NAV1: variants seen among roughly 807,000 people sequenced by gnomAD.
NAV1 encodes the protein pore membrane and/or filament interacting like protein 3.
In NAV1, 18 loss-of-function variants were observed where a neutral mutation model predicts 175.2. That is an observed-to-expected ratio of 0.10 (90% CI 0.07 to 0.15). NAV1 has a LOEUF of 0.15. NAV1 is among the 10% of genes least tolerant of loss of function. NAV1 has a pLI of 1.00. For missense variants in NAV1, 1,731 were observed against 2,436.6 expected (o/e 0.71, Z 6.10); for synonymous variants, 897 against 978.7 (o/e 0.92, Z 1.56).
At chr1:201,620,350 T>C (rs910694003), upstream of NAV1, among the ~76,000 whole-genome samples, 1 of 152,204 alleles carries the variant, frequency 6.6e-6, no homozygotes, top group Non-Finnish European at 1.5e-5. Context: ...AAACTGAGTA[T>C]TTTCATTGTA....
chr1:201,573,381 AGAAAG>A lies in NAV1; in HGVS notation c.-143-15154_-143-15150del, dbSNP rs897942598. On this transcript the variant is annotated intron_variant, in intron 1 of 33. Transcript: ENST00000685211. ...ATTCACACTTTTTCAAGGGGAAAGA[AGAAAG>A]GAAGGAAGGAAGGGAGGGGAATAAA... is the stretch of plus-strand genomic sequence containing the variant. Among the ~76,000 whole-genome samples, 5 of 152,342 alleles carry A rather than the reference AGAAAG, an allele frequency of 3.3e-5. No individual in the cohort carries two copies. The South Asian group carries it at 1.0e-3, about 32-fold the overall frequency.
At chr1:201,763,295 A>G (rs1175956340) in intron 3 of NAV1, among the ~76,000 whole-genome samples, 1 of 152,246 alleles carries the variant, frequency 6.6e-6, no homozygotes, top group Non-Finnish European at 1.5e-5. Context: ...TAGTAGAGAT[A>G]GAAGTACATA....
At chr1:201,551,367 T>A (rs1327779144) in intron 1 of NAV1, among the ~76,000 whole-genome samples, 1 of 152,182 alleles carries the variant, frequency 6.6e-6, no homozygotes, top group Non-Finnish European at 1.5e-5. Context: ...TACCTGGGAT[T>A]ACAGGAGCAC....
chr1:201,775,237 G>A (rs1380073055), intron 3 of NAV1, among the ~76,000 whole-genome samples: 1 of 152,174 alleles, frequency 6.6e-6, no homozygotes, highest in African/African-American at 2.4e-5. Flanking sequence ...CCTGACACAA[G>A]TGAGGGCATA....
At chr1:201,731,642 C>A (rs916302201) in intron 3 of NAV1, among the ~76,000 whole-genome samples, 1 of 152,196 alleles carries the variant, frequency 6.6e-6, no homozygotes, top group African/African-American at 2.4e-5. Flanking sequence ...CCCCTCTACC[C>A]AGCCTCAATC....
chr1:201,642,548 TCTTTCTTTTTTCC>T lies in NAV1; in HGVS notation c.5-6078_5-6066del, dbSNP rs1473446494. Among the ~76,000 whole-genome samples the T allele has an allele frequency of 3.8e-4, 43 of 111,808 alleles. 1 individual carries two copies. The highest frequency in any genetic ancestry group is 5.1e-4 in the Non-Finnish European group (27 of 52,644). The allele number at this position is 111,808 out of a possible 152,430, so 73.4% of individuals were successfully genotyped here. A position where few individuals can be genotyped will look rare whatever the true frequency, so the allele number is the denominator to read the frequency against. On this transcript the variant is annotated intron_variant, in intron 2 of 29. Transcript: ENST00000367302. Reference sequence around the variant, plus strand: ...TTTTTTCTTTCTTTCTTTCTTTCTTTCTTTCTTTTTTCCCTTTCTTCCCTTCCTTCTCTTTCTT... The same window carrying T: ...TTTTTTCTTTCTTTCTTTCTTTCTTTCTTTCTTCCCTTCCTTCTCTTTCTT...
intron 1 of NAV1, among the ~76,000 whole-genome samples, chr1:201,686,675 A>G (rs1056220263): frequency 3.9e-5 from 6 of 152,126 alleles, no homozygotes; most frequent in Admixed American, 2.0e-4. Flanking sequence ...GCTTATTTCC[A>G]TAGTTTCTGT....
intron 1 of NAV1, among the ~76,000 whole-genome samples, chr1:201,659,213 AGTGGT>A: frequency 6.6e-6 from 1 of 152,372 alleles, no homozygotes; most frequent in East Asian, 1.9e-4. Context: ...GGCAGGCATA[AGTGGT>A]GTGGTGCCAC....
intron 1 of NAV1, among the ~76,000 whole-genome samples, chr1:201,552,179 C>T (rs1171112695): frequency 6.6e-6 from 1 of 152,098 alleles, no homozygotes; most frequent in South Asian, 2.1e-4. Flanking sequence ...GGCCAGAGGC[C>T]GAGTCAGGGC....
intron 1 of NAV1, among the ~76,000 whole-genome samples, chr1:201,550,910 C>T (rs1400985574): frequency 6.6e-6 from 1 of 152,228 alleles, no homozygotes; most frequent in African/African-American, 2.4e-5. Context: ...AGTTCCATAA[C>T]CTAAATCCCA....
chr1:201,549,078 T>C (rs757155756), intron 1 of NAV1, among the ~76,000 whole-genome samples: 7 of 11,958 alleles, frequency 5.9e-4, no homozygotes, highest in Non-Finnish European at 1.4e-3. Context: ...TCTAGTTTTC[T>C]CTTTCTTTCT....
At position 201,713,054 on chromosome 1, in the gene NAV1, G is replaced by A. The variant is rs1571901219; in HGVS notation, c.860+135G>A. On this transcript the variant is annotated intron_variant, in intron 2 of 29. Coordinates refer to ENST00000367296, the Ensembl canonical transcript of NAV1. ...TGGCCTGATGCGTGGAGCCACTGCA[G>A]AAGGAGGAGGAAATCCATTTATCTC... The A allele has an allele frequency of 4.8e-6, 3 of 624,976 alleles. No individual in the cohort carries two copies. The Admixed American group carries it at 8.2e-5, about 17-fold the overall frequency. 38.7% of individuals were successfully genotyped at this position (624,976 alleles called of 1,614,324 possible). A position where few individuals can be genotyped will look rare whatever the true frequency, so the allele number is the denominator to read the frequency against.
intron 1 of NAV1, among the ~76,000 whole-genome samples, chr1:201,564,355 C>G (rs1452580155): frequency 6.6e-6 from 1 of 152,124 alleles, no homozygotes; most frequent in Non-Finnish European, 1.5e-5. Context: ...TAGCTCACGC[C>G]TGTAATCCCA....
intron 15 of NAV1, among the ~76,000 whole-genome samples, chr1:201,800,514 C>A (rs560962425): frequency 1.4e-3 from 207 of 152,286 alleles, no homozygotes; most frequent in Admixed American, 2.2e-3. Context: ...CATGCTATAA[C>A]AGCAGAACTG....
At chr1:201,599,657 C>T (rs553168465) in intron 2 of NAV1, among the ~76,000 whole-genome samples, 2 of 152,284 alleles carry the variant, frequency 1.3e-5, no homozygotes, top group African/African-American at 4.8e-5. Context: ...TCATGAGCCC[C>T]TCTTACTAGG....
intron 1 of NAV1, among the ~76,000 whole-genome samples, chr1:201,554,294 G>A (rs538493071): frequency 7.9e-5 from 12 of 152,310 alleles, no homozygotes; most frequent in African/African-American, 2.2e-4. Context: ...CTGGTGACCC[G>A]GAGCCAAGAA....
In NAV1 at chr1:201,744,178, C is replaced by T. The variant is rs533897261; in HGVS notation, c.1226+25423C>T. Reference sequence around the variant, plus strand: ...GATTACAGGCATGAGCCACCACACCCGGTCAAAACATGATTTTTTTAAAAA... The same window carrying T: ...GATTACAGGCATGAGCCACCACACCTGGTCAAAACATGATTTTTTTAAAAA... On this transcript the variant is annotated intron_variant, in intron 3 of 29. Coordinates refer to ENST00000367296, the Ensembl canonical transcript of NAV1. 7.2e-5 allele frequency among the ~76,000 whole-genome samples: 11 copies of T among 152,256 alleles called. 1 individual carries two copies. The South Asian group carries it at 1.0e-3, about 14-fold the overall frequency.
At chr1:201,586,318 A>T (rs555175554) in intron 1 of NAV1, among the ~76,000 whole-genome samples, 1 of 151,692 alleles carries the variant, frequency 6.6e-6, no homozygotes, top group Non-Finnish European at 1.5e-5. Flanking sequence ...AGAAATGGAG[A>T]GTTATTTTTT....
At chr1:201,614,511 C>T (rs1213790840) in intron 2 of NAV1, among the ~76,000 whole-genome samples, 1 of 152,230 alleles carries the variant, frequency 6.6e-6, no homozygotes. Flanking sequence ...TTCCCCTCGC[C>T]CCCATCCTGG....
Sources: allele counts gnomAD v4.1 joint callset (sites outside exome capture counted in the v4.1 genomes callset), GRCh38; gene constraint gnomAD v4.1.1; transcripts MANE v1.5; gene names NCBI Gene and HGNC (gene_info 2026-07-23, HGNC 2026-07-21).